SH3GL1: variants seen among roughly 807,000 people sequenced by gnomAD.
SH3GL1 encodes the protein SH3 domain containing GRB2 like 1, endophilin A2.
SH3GL1 carries 21 observed loss-of-function variants against 48.8 expected under a neutral mutation model. The observed-to-expected ratio is 0.43, with a 90% confidence interval of 0.30 to 0.62. The LOEUF is 0.62. SH3GL1 is among the 20% of genes least tolerant of loss of function. The pLI is 0.11. For synonymous variants in SH3GL1, 282 were observed against 217.5 expected (o/e 1.30, Z -2.61); for missense variants, 454 against 503.0 (o/e 0.90, Z 0.93).
Position 4,376,277 on chromosome 19 carries a change from G to C in SH3GL1, c.46-9283C>G. Among the ~76,000 whole-genome samples the C allele has an allele frequency of 6.6e-6, 1 of 152,178 alleles. No individual in the cohort carries two copies. The highest frequency in any genetic ancestry group is 1.5e-5 in the Non-Finnish European group (1 of 68,026). On this transcript the variant is annotated intron_variant, in intron 1 of 9. Coordinates refer to ENST00000269886, the MANE Select transcript of SH3GL1 (RefSeq NM_003025.4). This position sits in a 1 kb window ranked among gnomAD's most constrained non-coding sequence, Gnocchi z 4.3. ...CATGGGCATGAGTCACCTGTCACCA[G>C]AGCCTGGTGTCCCTGTGCAGCTGTG...
At chr19:4,369,811 G>A (rs1057508842) in intron 1 of SH3GL1, among the ~76,000 whole-genome samples, 1 of 152,240 alleles carries the variant, frequency 6.6e-6, no homozygotes, top group Non-Finnish European at 1.5e-5. Context: ...GGTGACTGAT[G>A]GTCCCCCACG....
Position 4,361,372 on chromosome 19 carries a change from T to A in SH3GL1, c.*228A>T. 1 of 539,824 alleles carries A rather than the reference T, an allele frequency of 1.9e-6. No homozygotes were observed. The highest frequency in any genetic ancestry group is 3.3e-6 in the Non-Finnish European group (1 of 304,794). The allele number at this position is 539,824 out of a possible 1,614,324, so 33.4% of individuals were successfully genotyped here. ...CGCCATGGAGTGGGGAAGGGAGCCG[T>A]CACCGTTGGGAGTCAGCGCTAGTGT... On this transcript the variant is annotated 3_prime_UTR_variant, in exon 10 of 10. Transcript: ENST00000269886.
chr19:4,392,184 G>GTA (rs1973349637), intron 1 of SH3GL1, among the ~76,000 whole-genome samples: 1 of 152,176 alleles, frequency 6.6e-6, no homozygotes, highest in Non-Finnish European at 1.5e-5. Context: ...CAGCACAAGG[G>GTA]TATACACTTT....
chr19:4,399,697 G>C (rs1368205534), intron 1 of SH3GL1, among the ~76,000 whole-genome samples: 1 of 152,134 alleles, frequency 6.6e-6, no homozygotes, highest in Admixed American at 6.5e-5. Context: ...GCTCCAGTGT[G>C]ATCTCCAAGC....
intron 1 of SH3GL1, among the ~76,000 whole-genome samples, chr19:4,379,811 G>A (rs1289159392): frequency 1.3e-5 from 2 of 152,148 alleles, no homozygotes; most frequent in Non-Finnish European, 2.9e-5. Flanking sequence ...AAAGCACGCC[G>A]CTCTGCCTTG....
In SH3GL1 at chr19:4,360,732, A is replaced by G; in HGVS notation, c.*868T>C. The stretch of plus-strand genomic sequence containing the variant: ...GAGCCTGGCCACCAGGGGCTGGGAC[A>G]TGCGCTCACTGGAACCTTTGTGCTT... On this transcript the variant is annotated 3_prime_UTR_variant, in exon 10 of 10. Coordinates refer to ENST00000269886, the MANE Select transcript of SH3GL1 (RefSeq NM_003025.4). 1 of 233,564 alleles carries G rather than the reference A, an allele frequency of 4.3e-6. No homozygotes were observed. The highest frequency in any genetic ancestry group is 6.0e-5 in the East Asian group (1 of 16,568). 14.5% of individuals were successfully genotyped at this position (233,564 alleles called of 1,614,324 possible).
chr19:4,400,529 C>G lies in SH3GL1; in HGVS notation c.-161G>C. The stretch of plus-strand genomic sequence containing the variant: ...CGGCGCCGCCTCAGCCGCTCGCGCG[C>G]CCGCGCGGCCAGGATATTACATGGC... On this transcript the variant is annotated 5_prime_UTR_variant, in exon 1 of 10. Transcript: ENST00000269886. This position sits in a 1 kb window ranked among gnomAD's most constrained non-coding sequence, Gnocchi z 4.1. The G allele has an allele frequency of 2.4e-6, 1 of 418,074 alleles. No individual in the cohort carries two copies. The highest frequency in any genetic ancestry group is 3.2e-6 in the Non-Finnish European group (1 of 309,468). 25.9% of individuals were successfully genotyped at this position (418,074 alleles called of 1,614,324 possible).
intron 6 of SH3GL1, 109 bp downstream of exon 6, chr19:4,363,611 G>A: frequency 1.3e-6 from 2 of 1,506,004 alleles, no homozygotes; most frequent in Non-Finnish European, 1.8e-6. Flanking sequence ...CACCTCCCCT[G>A]CTGCAGCGGC....
chr19:4,400,383 C>G lies in SH3GL1; in HGVS notation c.-15G>C, dbSNP rs769116733. On this transcript the variant is annotated 5_prime_UTR_variant, in exon 1 of 10. Coordinates refer to ENST00000269886, the MANE Select transcript of SH3GL1 (RefSeq NM_003025.4). This position sits in a 1 kb window ranked among gnomAD's most constrained non-coding sequence, Gnocchi z 4.1. ...GCCACCGACATGCTGCCGCCCGCCG[C>G]CGAGCCTCCCGCCCGGACCGCGCCA... The G allele has an allele frequency of 2.5e-6, 4 of 1,584,310 alleles. No individual in the cohort carries two copies. In the African/African-American group the frequency reaches 5.6e-5, roughly 22 times the overall value.
intron 1 of SH3GL1, chr19:4,390,336 G>A (rs960090410): frequency 2.0e-5 from 3 of 152,548 alleles, no homozygotes; most frequent in Non-Finnish European, 2.9e-5. Context: ...CAGGAAAAGT[G>A]CTTGCCAAAT....
At chr19:4,374,719 T>TC (rs1678563722) in intron 1 of SH3GL1, among the ~76,000 whole-genome samples, 2 of 152,106 alleles carry the variant, frequency 1.3e-5, no homozygotes, top group African/African-American at 4.8e-5. Context: ...TCCCCTGCTG[T>TC]CCCCCTTGGC....
At chr19:4,373,866 G>A (rs1972952548) in intron 1 of SH3GL1, among the ~76,000 whole-genome samples, 1 of 152,232 alleles carries the variant, frequency 6.6e-6, no homozygotes, top group South Asian at 2.1e-4. Flanking sequence ...GGGAAAGACA[G>A]CCAGACATTG....
intron 1 of SH3GL1, among the ~76,000 whole-genome samples, chr19:4,382,031 C>G (rs189460589): frequency 1.3e-5 from 2 of 152,028 alleles, no homozygotes; most frequent in Non-Finnish European, 2.9e-5. Flanking sequence ...GGGATCACCC[C>G]GGGCTAAGAT....
At chr19:4,364,247 A>T (rs748422595) in intron 4 of SH3GL1, 26 bp from the exon 5 acceptor site, 6 of 1,613,502 alleles carry the variant, frequency 3.7e-6, no homozygotes, top group Admixed American at 1.7e-5. Context: ...GGGGGAAGCC[A>T]TCATACCGGG....
At chr19:4,375,541 C>G (rs550276975) in intron 1 of SH3GL1, among the ~76,000 whole-genome samples, 2 of 152,222 alleles carry the variant, frequency 1.3e-5, no homozygotes, top group Non-Finnish European at 2.9e-5. Context: ...GTGGGACACA[C>G]GCTCCCACCC....
At position 4,367,678 on chromosome 19, in the gene SH3GL1, G is replaced by A. The variant is rs913606686; in HGVS notation, c.46-684C>T. Among the ~76,000 whole-genome samples the A allele has an allele frequency of 1.3e-5, 2 of 152,194 alleles. No homozygotes were observed. Among genetic ancestry groups the A allele is most frequent in the African/African-American group, 2.4e-5 (1 of 41,436 alleles). On this transcript the variant is annotated intron_variant, in intron 1 of 9. Coordinates refer to ENST00000269886, the MANE Select transcript of SH3GL1 (RefSeq NM_003025.4). The surrounding 1 kb of genome is among the most constrained non-coding windows in gnomAD (Gnocchi z 4.2). The stretch of plus-strand genomic sequence containing the variant: ...GATGACAATGACAGGCACTTACAGC[G>A]TCTTTCCTCGTGTGGTGGGAAGGCA...
At chr19:4,365,237 G>C (rs1307235772) in intron 4 of SH3GL1, among the ~76,000 whole-genome samples, 2 of 152,196 alleles carry the variant, frequency 1.3e-5, no homozygotes, top group African/African-American at 4.8e-5. Flanking sequence ...GGGGGGTCCA[G>C]GCCCTGGGGA....
intron 3 of SH3GL1, 68 bp from the exon 4 acceptor site, chr19:4,365,693 C>G: frequency 6.3e-7 from 1 of 1,595,212 alleles, no homozygotes; most frequent in Non-Finnish European, 8.5e-7. Context: ...CAGACTGCAG[C>G]CCCCACATCT....
chr19:4,383,398 T>A (rs1227048663), intron 1 of SH3GL1, among the ~76,000 whole-genome samples: 1 of 151,826 alleles, frequency 6.6e-6, no homozygotes, highest in Non-Finnish European at 1.5e-5. Context: ...TTTTATTTTT[T>A]ATTTTTTGGT....
Sources: gnomAD v4.1 joint callset for allele counts (sites outside exome capture counted in the v4.1 genomes callset) on GRCh38, gnomAD v4.1.1 for gene constraint, Gnocchi (gnomAD v3.1) non-coding constraint, MANE v1.5 for transcripts, NCBI Gene and HGNC (gene_info 2026-07-23, HGNC 2026-07-21) for gene names.